CRPPA: variants seen among roughly 807,000 people sequenced by gnomAD.
CRPPA encodes the protein CDP-L-ribitol pyrophosphorylase A, also known as D-ribitol-5-phosphate cytidylyltransferase.
A neutral mutation model predicts 52.0 loss-of-function variants in CRPPA; 43 were observed. The observed-to-expected ratio is 0.83, with a 90% CI of 0.65 to 1.07. CRPPA has a LOEUF of 1.07. Ranked by LOEUF, CRPPA falls within the 50% of genes least tolerant of loss-of-function variation. The pLI is 0.00. For missense variants in CRPPA, 629 were observed against 551.7 expected (o/e 1.14, Z -1.40); for synonymous variants, 250 against 203.5 (o/e 1.23, Z -1.94).
chr7:16,144,202 C>T (rs1052919057), intron 9 of CRPPA, among the ~76,000 whole-genome samples: 4 of 152,174 alleles, frequency 2.6e-5, no homozygotes, highest in Non-Finnish European at 2.9e-5. Flanking sequence ...CCCACTCCTC[C>T]CCAGTCCTGC....
intron 5 of CRPPA, 66 bp downstream of exon 5, chr7:16,301,355 T>C (rs1332923546): frequency 2.7e-5 from 35 of 1,315,358 alleles, no homozygotes; most frequent in East Asian, 4.7e-5. Context: ...TAAACTGTCA[T>C]GAGAAATTCC....
At chr7:16,182,703 T>C (rs1177593527) in intron 9 of CRPPA, among the ~76,000 whole-genome samples, 1 of 152,254 alleles carries the variant, frequency 6.6e-6, no homozygotes, top group Admixed American at 6.5e-5. Flanking sequence ...TCCCCAATTC[T>C]CACTTTGAGG....
At chr7:16,254,792 G>GAAGGACAGAAAGAAA (rs1783573898) in intron 8 of CRPPA, among the ~76,000 whole-genome samples, 1 of 101,662 alleles carries the variant, frequency 9.8e-6, no homozygotes, top group African/African-American at 4.1e-5. Context: ...AAAGAAAGAA[G>GAAGGACAGAAAGAAA]GAAAGAAAGA....
chr7:16,342,671 T>C (rs1177137335), intron 3 of CRPPA, among the ~76,000 whole-genome samples: 3 of 149,080 alleles, frequency 2.0e-5, no homozygotes, highest in Admixed American at 6.7e-5. Flanking sequence ...TGCCAGCATT[T>C]TGGGAGGCTG....
intron 9 of CRPPA, among the ~76,000 whole-genome samples, chr7:16,157,820 C>T (rs1222590024): frequency 6.6e-6 from 1 of 152,048 alleles, no homozygotes; most frequent in Non-Finnish European, 1.5e-5. Flanking sequence ...ACATACCATG[C>T]TTGCTTCCTG....
At chr7:16,096,513 T>C (rs1255894643) in intron 9 of CRPPA, among the ~76,000 whole-genome samples, 1 of 152,158 alleles carries the variant, frequency 6.6e-6, no homozygotes, top group African/African-American at 2.4e-5. Flanking sequence ...ACTAGTTTTA[T>C]AATGAATAGG....
intron 5 of CRPPA, among the ~76,000 whole-genome samples, chr7:16,288,570 G>A (rs10274297): frequency 0.021 from 3,242 of 151,946 alleles, 104 homozygotes; most frequent in African/African-American, 0.072. Context: ...TACAGGCTGG[G>A]CACAGTGGCT....
Position 16,089,526 on chromosome 7 carries a change from T to C in CRPPA, c.*2169A>G, listed in dbSNP as rs1056423690. ...ACATACATAGATATGGGTATATATG[T>C]ACGTACATACATATATATGTATATA... On this transcript the variant is annotated 3_prime_UTR_variant, in exon 10 of 10. Transcript: ENST00000407010. 1 of 272,182 alleles carries C rather than the reference T, an allele frequency of 3.7e-6. No individual in the cohort carries two copies. Among genetic ancestry groups the C allele is most frequent in the Non-Finnish European group, 8.0e-6 (1 of 125,566 alleles). 16.9% of individuals were successfully genotyped at this position (272,182 alleles called of 1,614,324 possible).
intron 2 of CRPPA, among the ~76,000 whole-genome samples, chr7:16,390,277 T>C (rs1452413589): frequency 1.3e-5 from 2 of 152,086 alleles, no homozygotes; most frequent in African/African-American, 2.4e-5. Context: ...AATCAATTCT[T>C]TCGATATATA....
intron 9 of CRPPA, among the ~76,000 whole-genome samples, chr7:16,112,837 C>T (rs1782294549): frequency 6.6e-6 from 1 of 151,980 alleles, no homozygotes; most frequent in Non-Finnish European, 1.5e-5. Context: ...TTACCTGATG[C>T]CAGACTCTAA....
chr7:16,367,318 C>T (rs928444635), intron 3 of CRPPA, among the ~76,000 whole-genome samples: 1 of 152,052 alleles, frequency 6.6e-6, no homozygotes, highest in Admixed American at 6.6e-5. Flanking sequence ...CAGGCACAAC[C>T]GAACAACTAA....
intron 9 of CRPPA, among the ~76,000 whole-genome samples, chr7:16,188,502 A>C (rs574970091): frequency 6.6e-6 from 1 of 152,324 alleles, no homozygotes; most frequent in East Asian, 1.9e-4. Flanking sequence ...AATATCAAAG[A>C]CTTAGAAATC....
chr7:16,229,901 G>A (rs905636596), intron 8 of CRPPA, among the ~76,000 whole-genome samples: 5 of 151,968 alleles, frequency 3.3e-5, no homozygotes, highest in Admixed American at 2.6e-4. Flanking sequence ...CACCTTTGCT[G>A]GGTACACTAT....
intron 3 of CRPPA, among the ~76,000 whole-genome samples, chr7:16,331,181 T>C (rs1041908961): frequency 6.6e-5 from 10 of 152,010 alleles, no homozygotes; most frequent in African/African-American, 2.4e-4. Context: ...TTGTATTTTT[T>C]AGTAGAGAGG....
At chr7:16,284,408 G>T (rs1384016672) in intron 5 of CRPPA, among the ~76,000 whole-genome samples, 1 of 152,054 alleles carries the variant, frequency 6.6e-6, no homozygotes, top group Non-Finnish European at 1.5e-5. Context: ...CCTGGTACAA[G>T]AAAACACCTA....
chr7:16,399,624 C>G (rs941062027), intron 2 of CRPPA, among the ~76,000 whole-genome samples: 1 of 150,536 alleles, frequency 6.6e-6, no homozygotes, highest in African/African-American at 2.4e-5. Flanking sequence ...CGTGACTGAC[C>G]CGATCGACAC....
chr7:16,159,444 T>A (rs1354962759), intron 9 of CRPPA, among the ~76,000 whole-genome samples: 2 of 152,162 alleles, frequency 1.3e-5, no homozygotes, highest in Non-Finnish European at 2.9e-5. Flanking sequence ...ACAGGCGGTG[T>A]TTGGTTTTCT....
At chr7:16,266,787 T>C (rs1783967054) in intron 6 of CRPPA, among the ~76,000 whole-genome samples, 1 of 152,178 alleles carries the variant, frequency 6.6e-6, no homozygotes, top group Non-Finnish European at 1.5e-5. Context: ...CCCCGTTTTA[T>C]TATGCATCCA....
rs1156307512 is a variant in CRPPA at position 16,406,058 on chromosome 7, T to C, written c.534+3A>G. The C allele has an allele frequency of 1.1e-5, 17 of 1,611,716 alleles. No individual in the cohort carries two copies. The Middle Eastern group carries it at 4.9e-4, about 47-fold the overall frequency. On this transcript the variant is annotated splice_donor_region_variant and intron_variant, in intron 2 of 9. Coordinates refer to ENST00000407010, the MANE Select transcript of CRPPA (RefSeq NM_001101426.4). ...CTATCTAGACTCAAGAAAAAAGACT[T>C]ACCCCGTGTTCCTTAGCAGCTGTGA... is the stretch of plus-strand genomic sequence containing the variant.
Sources: allele counts gnomAD v4.1 joint callset (sites outside exome capture counted in the v4.1 genomes callset), GRCh38; gene constraint gnomAD v4.1.1; transcripts MANE v1.5; gene names NCBI Gene and HGNC (gene_info 2026-07-23, HGNC 2026-07-21).